ANKRD13A: variants seen among roughly 807,000 people sequenced by gnomAD.
ANKRD13A encodes ankyrin repeat domain-containing protein 13A.
A neutral mutation model predicts 81.3 loss-of-function variants in ANKRD13A; 48 were observed. That is an observed-to-expected ratio of 0.59 (90% CI 0.47 to 0.75). The LOEUF (loss-of-function observed/expected upper bound fraction) is 0.75. ANKRD13A is among the 30% of genes least tolerant of loss of function. ANKRD13A has a pLI of 0.00. For missense variants in ANKRD13A, 612 were observed against 734.0 expected (o/e 0.83, Z 1.92); for synonymous variants, 230 against 270.1 (o/e 0.85, Z 1.45).
chr12:110,003,066 C>T (rs559490263), intron 1 of ANKRD13A, among the ~76,000 whole-genome samples: 2 of 152,294 alleles, frequency 1.3e-5, no homozygotes, highest in South Asian at 2.1e-4. Flanking sequence ...CTGCTTATGT[C>T]GTTGGCCGCT....
At chr12:110,016,796 A>G (rs1890826221) in intron 4 of ANKRD13A, among the ~76,000 whole-genome samples, 1 of 151,766 alleles carries the variant, frequency 6.6e-6, no homozygotes, top group Non-Finnish European at 1.5e-5. Flanking sequence ...TTTTTGAGAC[A>G]GAGTCTCACT....
At chr12:110,023,317 T>C in intron 6 of ANKRD13A, among the ~76,000 whole-genome samples, 1 of 152,178 alleles carries the variant, frequency 6.6e-6, no homozygotes, top group Non-Finnish European at 1.5e-5. Flanking sequence ...CAGGAGTATG[T>C]TGAGTTGAAT....
intron 3 of ANKRD13A, 70 bp from the exon 4 acceptor site, chr12:110,016,318 G>GT: frequency 8.9e-7 from 1 of 1,126,472 alleles, no homozygotes; most frequent in Non-Finnish European, 1.2e-6. Flanking sequence ...TAAGAACCCT[G>GT]TTAACCCCTG....
At chr12:110,031,528 T>G (rs1352920812) in intron 12 of ANKRD13A, among the ~76,000 whole-genome samples, 2 of 152,148 alleles carry the variant, frequency 1.3e-5, no homozygotes, top group African/African-American at 4.8e-5. Flanking sequence ...TTTTTGTATT[T>G]TTATTAGAGA....
At chr12:110,025,961 T>C in intron 8 of ANKRD13A, 138 bp downstream of exon 8, 2 of 617,824 alleles carry the variant, frequency 3.2e-6, no homozygotes, top group Non-Finnish European at 2.7e-6. Flanking sequence ...TCTCTCTCTC[T>C]CTCTTTTTTT....
intron 1 of ANKRD13A, among the ~76,000 whole-genome samples, chr12:110,011,162 C>T (rs1469036862): frequency 6.6e-6 from 1 of 151,786 alleles, no homozygotes; most frequent in Non-Finnish European, 1.5e-5. Context: ...TTGTTGTATT[C>T]TTGGAAGAAC....
At chr12:110,022,937 G>A (rs1032991210) in intron 6 of ANKRD13A, among the ~76,000 whole-genome samples, 5 of 152,186 alleles carry the variant, frequency 3.3e-5, no homozygotes, top group African/African-American at 1.2e-4. Context: ...GATCCCTCCT[G>A]TTCTGATGGG....
intron 1 of ANKRD13A, among the ~76,000 whole-genome samples, chr12:110,007,378 T>TTTTG (rs903653407): frequency 6.6e-6 from 1 of 152,132 alleles, no homozygotes; most frequent in Non-Finnish European, 1.5e-5. Context: ...TTGAGGTTTT[T>TTTTG]TTTGTTTGTT....
At chr12:110,029,732 T>C in intron 11 of ANKRD13A, 97 bp downstream of exon 11, 1 of 1,427,740 alleles carries the variant, frequency 7.0e-7, no homozygotes, top group Non-Finnish European at 9.7e-7. Context: ...ATTGGAGTGC[T>C]TTAGGTCAAA....
At chr12:110,007,732 G>A (rs1890313454) in intron 1 of ANKRD13A, among the ~76,000 whole-genome samples, 1 of 152,000 alleles carries the variant, frequency 6.6e-6, no homozygotes, top group Middle Eastern at 3.2e-3. Flanking sequence ...GAGTATGTAA[G>A]TTTTATATTT....
At chr12:110,025,950 TTCTCTCTCTC>T in intron 8 of ANKRD13A, 127 bp downstream of exon 8, 2 of 712,426 alleles carry the variant, frequency 2.8e-6, no homozygotes, top group Non-Finnish European at 4.5e-6. Flanking sequence ...CCCTAACTTC[TTCTCTCTCTC>T]TCTCTTTTTT....
rs564727362 is a variant in ANKRD13A, at chr12:110,038,121, A to G, written c.*567A>G. 2.0e-5 allele frequency: 3 copies of G among 152,816 alleles called. No homozygotes were observed. Among genetic ancestry groups the G allele is most frequent in the African/African-American group, 7.2e-5 (3 of 41,558 alleles). The allele number at this position is 152,816 out of a possible 1,614,324, so 9.5% of individuals were successfully genotyped here. ...ATCTGATTCCATTCCTTCCACACCC[A>G]GCTAAAGTTAGAGGAGATACATATA... On this transcript the variant is annotated 3_prime_UTR_variant, in exon 15 of 15. Coordinates refer to ENST00000261739, the MANE Select transcript of ANKRD13A (RefSeq NM_033121.2).
At position 110,018,462 on chromosome 12, in the gene ANKRD13A, G is replaced by A. The variant is rs1427407548; in HGVS notation, c.518G>A (p.Arg173Lys). 4 of 1,614,022 alleles carry A rather than the reference G, an allele frequency of 2.5e-6. No homozygotes were observed. In the Admixed American group the frequency reaches 6.7e-5, roughly 27 times the overall value. The change falls in exon 5 of 15, where the codon AGG becomes AAG. Residue 173 changes from arginine (R) to lysine (K), a missense_variant. Arg to Lys is a conservative substitution (Grantham distance 26). Coordinates refer to ENST00000261739, the MANE Select transcript of ANKRD13A (RefSeq NM_033121.2). The surrounding 1 kb of genome is among the most constrained non-coding windows in gnomAD (Gnocchi z 4.4). ...GFENMSWIRG[R>K]RSFIFKGEDN... ...GAAAACATGAGCTGGATAAGAGGGA[G>A]GCGTAGTTTTATATTTAAGGGAGAA...
At chr12:110,029,097 G>A (rs553715358) in intron 10 of ANKRD13A, 1 of 184,290 alleles carries the variant, frequency 5.4e-6, no homozygotes, top group East Asian at 1.5e-4. Flanking sequence ...GCTAACAGTA[G>A]ATTGTCCATG....
chr12:110,005,673 C>T (rs552509628), intron 1 of ANKRD13A, among the ~76,000 whole-genome samples: 8 of 152,300 alleles, frequency 5.3e-5, no homozygotes, highest in African/African-American at 1.7e-4. Flanking sequence ...CTTTTTATCA[C>T]TGAATATATT....
chr12:110,027,680 C>T, intron 8 of ANKRD13A, 25 bp from the exon 9 acceptor site: 1 of 1,612,104 alleles, frequency 6.2e-7, no homozygotes, highest in South Asian at 1.1e-5. Context: ...TAATATTAGA[C>T]TTTAAACTCC....
At position 110,012,059 on chromosome 12, in the gene ANKRD13A, T is replaced by G; in HGVS notation, c.151T>G (p.Leu51Val). The change falls in exon 2 of 15, where the codon TTG (leucine) becomes GTG (valine). Residue 51 changes from leucine to valine, a missense_variant. By Grantham distance (32) the Leu-to-Val change is conservative. Transcript: ENST00000261739. ...GRTLLHLAVS[L>V]GHLESARVLL... ...AACATTATTGCATCTTGCTGTTTCC[T>G]TGGGACATTTGGAATCTGCTCGAGT... 1.9e-6 allele frequency: 3 copies of G among 1,613,584 alleles called. No individual in the cohort carries two copies. Among genetic ancestry groups the G allele is most frequent in the Non-Finnish European group, 2.5e-6 (3 of 1,179,484 alleles).
intron 10 of ANKRD13A, chr12:110,029,221 A>G (rs1891534460): frequency 2.8e-6 from 1 of 355,868 alleles, no homozygotes; most frequent in Admixed American, 4.2e-5. Flanking sequence ...ACCCGCTATC[A>G]TTTCTTCATG....
chr12:110,013,294 G>A, intron 3 of ANKRD13A, 45 bp downstream of exon 3: 1 of 1,609,314 alleles, frequency 6.2e-7, no homozygotes, highest in Non-Finnish European at 8.5e-7. Context: ...GCTAAATGCT[G>A]ATACAATTAC....
Sources: gnomAD v4.1 joint callset for allele counts (sites outside exome capture counted in the v4.1 genomes callset) on GRCh38, gnomAD v4.1.1 for gene constraint, Gnocchi (gnomAD v3.1) non-coding constraint, MANE v1.5 for transcripts, NCBI Gene and HGNC (gene_info 2026-07-23, HGNC 2026-07-21) for gene names.